Variants in RINL observed in about 807,000 individuals in gnomAD.
The protein encoded by RINL is ras and Rab interactor-like protein.
Under a neutral mutation model 58.1 loss-of-function variants are expected in RINL, and 39 were observed. The ratio of observed to expected loss-of-function variants is 0.67; its 90% CI spans 0.52 to 0.88. The LOEUF is 0.88. RINL is among the 40% of genes least tolerant of loss of function. RINL has a pLI of 0.00. For synonymous variants in RINL, 286 were observed against 323.1 expected, an observed-to-expected ratio of 0.89 and a Z score of 1.23; for missense variants, 711 against 749.2, an observed-to-expected ratio of 0.95 and a Z score of 0.60.
In RINL at chr19:38,877,045, T is replaced by C. The variant is rs529216036; in HGVS notation, c.-39-264A>G. On this transcript the variant is annotated intron_variant, in intron 1 of 11. Transcript: ENST00000591812. The stretch of plus-strand genomic sequence containing the variant: ...TCTTGTGCCTCAGTCTCCCGAGTAG[T>C]TGGGATTACAGGCGTGCACCACCAC... Among the ~76,000 whole-genome samples the C allele has an allele frequency of 2.6e-5, 4 of 152,274 alleles. No homozygotes were observed. In the South Asian group the frequency reaches 8.3e-4, roughly 32 times the overall value.
In RINL at chr19:38,870,022, G is replaced by T; in HGVS notation, c.1263C>A (p.Cys421Ter). The T allele has an allele frequency of 6.3e-7, 1 of 1,575,608 alleles. No homozygotes were observed. Reference protein sequence around the residue: ...HERLAHLHAACAPRRKVALLL... With the variant: ...HERLAHLHAA ...GGAGCGCCACCTTGCGGCGCGGGGC[G>T]CAGGCAGCGTGGAGGTGCGCAAGGC... The change falls in exon 9 of 12, where the codon TGC becomes TGA. Residue 421 changes from cysteine to a stop codon, truncating the protein, a stop_gained. Coordinates refer to ENST00000591812, the MANE Select transcript of RINL (RefSeq NM_001195833.2). LOFTEE classifies it high-confidence loss of function. This position sits in a 1 kb window ranked among gnomAD's most constrained non-coding sequence, Gnocchi z 5.8.
intron 3 of RINL, among the ~76,000 whole-genome samples, chr19:38,875,052 T>C (rs941798755): frequency 1.3e-5 from 2 of 150,750 alleles, no homozygotes; most frequent in African/African-American, 2.4e-5. Context: ...GGAGAATCGC[T>C]TGAACCCGGG....
rs1394321135 is a variant in RINL at position 38,869,373 on chromosome 19, G to A, written c.1512C>T (p.His504=). Residue 504 remains histidine (H), a synonymous_variant, in exon 11 of 12, where the codon CAC becomes CAT. Coordinates refer to ENST00000591812, the MANE Select transcript of RINL (RefSeq NM_001195833.2). The surrounding 1 kb of genome is among the most constrained non-coding windows in gnomAD (Gnocchi z 5.7). ...TTTCGGGCTGGTAGTGGGCAATGTG[G>A]TGCAGCGCCCCAAACCACGTGGTCA... ...YYLTTWFGAL[H]HIAHYQPETD... 2 of 1,611,194 alleles carry A rather than the reference G, an allele frequency of 1.2e-6. No homozygotes were observed. The highest frequency in any genetic ancestry group is 1.7e-5 in the Admixed American group (1 of 59,904).
Position 38,869,318 on chromosome 19 carries a change from C to A in RINL, c.1567G>T (p.Glu523Ter), listed in dbSNP as rs1186199061. 6.2e-7 allele frequency: 1 copy of A among 1,614,032 alleles called. No individual in the cohort carries two copies. ...CACTGGTGCAGGGAGGCGCGGGCCT[C>A]GGAGCTGAGCCCCCGGGGAGCGCGG... ...TDRAPRGLSS[E>*]ARASLHQWHR... is the part of the protein sequence containing the mutation. The change falls in exon 11 of 12, where the codon GAG becomes TAG. Residue 523 changes from glutamate to a stop codon, truncating the protein, a stop_gained. Coordinates refer to ENST00000591812, the MANE Select transcript of RINL (RefSeq NM_001195833.2). LOFTEE classifies it high-confidence loss of function. The surrounding 1 kb of genome is among the most constrained non-coding windows in gnomAD (Gnocchi z 5.7).
Position 38,868,863 on chromosome 19 carries a change from A to C in RINL, c.*241T>G. ...TCCCCTCCTTCAGGCCTTTCTGCAG[A>C]TGTCACCTCAGTGAGGCTTTCTCTG... On this transcript the variant is annotated 3_prime_UTR_variant, in exon 12 of 12. Coordinates refer to ENST00000591812, the MANE Select transcript of RINL (RefSeq NM_001195833.2). The C allele has an allele frequency of 2.3e-6, 1 of 436,312 alleles. No individual in the cohort carries two copies. The highest frequency in any genetic ancestry group is 4.1e-6 in the Non-Finnish European group (1 of 242,302). 27.0% of individuals were successfully genotyped at this position (436,312 alleles called of 1,614,324 possible).
Position 38,870,988 on chromosome 19 carries a change from G to C in RINL, c.606C>G (p.Pro202=). 2 of 1,597,104 alleles carry C rather than the reference G, an allele frequency of 1.3e-6. No individual in the cohort carries two copies. The highest frequency in any genetic ancestry group is 1.7e-6 in the Non-Finnish European group (2 of 1,173,974). ...AGACCCCGTGAGGCGCAGGGTTCCT[G>C]GGGGCTGGAAGTGAGGAGGGCATTC... is the stretch of plus-strand genomic sequence containing the variant. The part of the protein sequence containing the change: ...PEAAQRHDPA[P]RNPAPHGVSW... The change falls in exon 8 of 12, where the codon CCC becomes CCG. Residue 202 remains proline (P), a synonymous_variant. Coordinates refer to ENST00000591812, the MANE Select transcript of RINL (RefSeq NM_001195833.2). The surrounding 1 kb of genome is among the most constrained non-coding windows in gnomAD (Gnocchi z 5.8).
Position 38,876,479 on chromosome 19 carries a change from G to A in RINL, c.62C>T (p.Pro21Leu). The change falls in exon 3 of 12, where the codon CCA becomes CTA. Residue 21 changes from proline (P) to leucine (L), a missense_variant. Pro to Leu is a moderately conservative substitution (Grantham distance 98). Transcript: ENST00000591812. ...VPTEGVRLVP[P>L]QVNKADRTPL... ...GGTCCTGTCTGCTTTGTTCACCTGT[G>A]GTGGGACCAGCCTGGGATGGACAGT... is the stretch of plus-strand genomic sequence containing the variant. The A allele has an allele frequency of 6.5e-7, 1 of 1,536,056 alleles. No homozygotes were observed. Among genetic ancestry groups the A allele is most frequent in the East Asian group, 2.4e-5 (1 of 40,902 alleles).
chr19:38,871,076 A>G lies in RINL; in HGVS notation c.601+2T>C. ...AGAGGCCCAGGGCCCCGCCCAGCTA[A>G]CCTGGATCATGTCTCTGAGCAGCCT... On this transcript the variant is annotated splice_donor_variant, in intron 7 of 11. Transcript: ENST00000591812. LOFTEE classifies it high-confidence loss of function. 1.3e-6 allele frequency: 2 copies of G among 1,595,702 alleles called. No homozygotes were observed. The highest frequency in any genetic ancestry group is 1.7e-6 in the Non-Finnish European group (2 of 1,171,554).
rs976051463 is a variant in RINL, at chr19:38,876,749, G to A, written c.-7C>T. 11 of 1,535,896 alleles carry A rather than the reference G, an allele frequency of 7.2e-6. No homozygotes were observed. In the East Asian group the frequency reaches 1.2e-4, roughly 17 times the overall value. ...TGTCTTCTGGCTGGGCCATCGTCAG[G>A]TTGCAGGAAGCCAGTGAGTCATGAC... On this transcript the variant is annotated 5_prime_UTR_variant, in exon 2 of 12. Coordinates refer to ENST00000591812, the MANE Select transcript of RINL (RefSeq NM_001195833.2).
At chr19:38,875,214 C>CTTT (rs968872594) in intron 3 of RINL, among the ~76,000 whole-genome samples, 3 of 129,310 alleles carry the variant, frequency 2.3e-5, no homozygotes, top group Non-Finnish European at 5.0e-5. Context: ...TTTCTTTTTT[C>CTTT]TTTTTTTTTT....
At position 38,869,338 on chromosome 19, in the gene RINL, G is replaced by A. The variant is rs1443316320; in HGVS notation, c.1547C>T (p.Ala516Val). ...IAHYQPETDR[A>V]PRGLSSEARA... ...GGCCTCGGAGCTGAGCCCCCGGGGAGCGCGGTCTGTTTCGGGCTGGTAGTG... is the reference window on the plus strand; with the variant it reads ...GGCCTCGGAGCTGAGCCCCCGGGGAACGCGGTCTGTTTCGGGCTGGTAGTG... Residue 516 changes from alanine to valine, a missense_variant, in exon 11 of 12, where the codon GCT becomes GTT. By Grantham distance (64) the Ala-to-Val change is moderately conservative. Transcript: ENST00000591812. This position sits in a 1 kb window ranked among gnomAD's most constrained non-coding sequence, Gnocchi z 5.7. 3 of 1,613,796 alleles carry A rather than the reference G, an allele frequency of 1.9e-6. No individual in the cohort carries two copies. The highest frequency in any genetic ancestry group is 2.7e-5 in the African/African-American group (2 of 74,924).
rs1420451197 is a variant in RINL at position 38,876,196 on chromosome 19, AC to A, written c.210+134del. 6.2e-6 allele frequency: 5 copies of A among 801,524 alleles called. No individual in the cohort carries two copies. The African/African-American group carries it at 8.6e-5, about 14-fold the overall frequency. The allele number at this position is 801,524 out of a possible 1,614,324, so 49.7% of individuals were successfully genotyped here. A position where few individuals can be genotyped will look rare whatever the true frequency, so the allele number is the denominator to read the frequency against. ...CACCTCAGCCTCATGAGTAGCTAGGACTGCAGGCATGAGCCATTGCACCCAG... is the reference window on the plus strand; with the variant it reads ...CACCTCAGCCTCATGAGTAGCTAGGATGCAGGCATGAGCCATTGCACCCAG... On this transcript the variant is annotated intron_variant, in intron 3 of 11. Transcript: ENST00000591812.
intron 3 of RINL, among the ~76,000 whole-genome samples, chr19:38,874,545 ATAATAGGC>A (rs1972879538): frequency 1.3e-5 from 2 of 152,150 alleles, no homozygotes; most frequent in Non-Finnish European, 2.9e-5. Flanking sequence ...TAGTGCTGGG[ATAATAGGC>A]GTGAGCCACT....
In RINL at chr19:38,870,542, G is replaced by T. The variant is rs1972782685; in HGVS notation, c.1024+28C>A. 2.0e-6 allele frequency: 3 copies of T among 1,527,824 alleles called. No individual in the cohort carries two copies. The highest frequency in any genetic ancestry group is 2.6e-5 in the South Asian group (2 of 77,048). The allele number at this position is 1,527,824 out of a possible 1,614,324, so 94.6% of individuals were successfully genotyped here. On this transcript the variant is annotated intron_variant, in intron 8 of 11. Transcript: ENST00000591812. This position sits in a 1 kb window ranked among gnomAD's most constrained non-coding sequence, Gnocchi z 5.8. ...GACGAAGTTGCACACTTGAACCCGTGGGGGCTCCCTTCCAGTCCTCCCATT... is the reference window on the plus strand; with the variant it reads ...GACGAAGTTGCACACTTGAACCCGTTGGGGCTCCCTTCCAGTCCTCCCATT...
At position 38,870,830 on chromosome 19, in the gene RINL, G is replaced by C. The variant is rs1972792671; in HGVS notation, c.764C>G (p.Pro255Arg). 1 of 1,609,682 alleles carries C rather than the reference G, an allele frequency of 6.2e-7. No homozygotes were observed. Among genetic ancestry groups the C allele is most frequent in the Middle Eastern group, 1.6e-4 (1 of 6,062 alleles). The change falls in exon 8 of 12, where the codon CCT becomes CGT. Residue 255 changes from proline (P) to arginine (R), a missense_variant. Physicochemically the swap from Pro to Arg is moderately radical, Grantham distance 103. Transcript: ENST00000591812. The surrounding 1 kb of genome is among the most constrained non-coding windows in gnomAD (Gnocchi z 5.8). ...GACGTGAATGGTGAGCACGTCCTCA[G>C]GGCCTTCCTCTTCAGGGTCGTCCTC... is the stretch of plus-strand genomic sequence containing the variant. ...GREDDPEEEG[P>R]EDVLTIHVQS... is the part of the protein sequence containing the mutation.
chr19:38,871,608 G>A, intron 6 of RINL, 39 bp downstream of exon 6: 1 of 1,581,694 alleles, frequency 6.3e-7, no homozygotes, highest in African/African-American at 1.3e-5. Context: ...AAGGAAATTG[G>A]CAGGTTGGCT....
At chr19:38,877,522 C>T (rs1447821567) in intron 1 of RINL, among the ~76,000 whole-genome samples, 3 of 152,116 alleles carry the variant, frequency 2.0e-5, no homozygotes, top group Non-Finnish European at 4.4e-5. Context: ...CTTCCCCCAG[C>T]ATTTTATTAT....
chr19:38,873,784 C>T (rs1012912797), intron 4 of RINL, 102 bp downstream of exon 4: 1 of 704,778 alleles, frequency 1.4e-6, no homozygotes. Flanking sequence ...CCTCGACCTA[C>T]CAAAGTGCTG....
In RINL at chr19:38,876,686, G is replaced by A. The variant is rs1972933799; in HGVS notation, c.50+7C>T. 2 of 1,535,568 alleles carry A rather than the reference G, an allele frequency of 1.3e-6. No homozygotes were observed. The highest frequency in any genetic ancestry group is 1.2e-5 in the South Asian group (1 of 84,054). ...GGAGGGCATAGCCTCAGCCCTAGTA[G>A]CCTCACCTCACCCCCTCTGTGGGGA... On this transcript the variant is annotated splice_region_variant and intron_variant, in intron 2 of 11. Coordinates refer to ENST00000591812, the MANE Select transcript of RINL (RefSeq NM_001195833.2).
Sources: allele counts gnomAD v4.1 joint callset (sites outside exome capture counted in the v4.1 genomes callset), GRCh38; gene constraint gnomAD v4.1.1; non-coding constraint Gnocchi (gnomAD v3.1); transcripts MANE v1.5; gene names NCBI Gene and HGNC (gene_info 2026-07-23, HGNC 2026-07-21).